The following CHRM3 variants were observed in gnomAD, a reference collection of about 807,000 sequenced individuals.
The protein encoded by CHRM3 is cholinergic receptor muscarinic 3, also known as muscarinic acetylcholine receptor M3.
A neutral mutation model predicts 41.8 loss-of-function variants in CHRM3; 11 were observed. That is an observed-to-expected ratio of 0.26 (90% confidence interval 0.17 to 0.44). The LOEUF (loss-of-function observed/expected upper bound fraction) is 0.44, where lower values mean the gene tolerates loss of function less well. CHRM3 is among the 20% of genes least tolerant of loss of function. The pLI is 1.00. For synonymous variants in CHRM3, 297 were observed against 301.4 expected (o/e 0.99, Z 0.15); for missense variants, 571 against 745.4 (o/e 0.77, Z 2.72).
intron 1 of CHRM3, among the ~76,000 whole-genome samples, chr1:239,419,008 C>A (rs1006673299): frequency 1.3e-5 from 2 of 152,040 alleles, no homozygotes; most frequent in Non-Finnish European, 2.9e-5. Context: ...TTTCAGATAT[C>A]CCTGTTTCTA....
At chr1:239,657,625 A>G (rs911844138) in intron 4 of CHRM3, among the ~76,000 whole-genome samples, 1 of 152,194 alleles carries the variant, frequency 6.6e-6, no homozygotes, top group Non-Finnish European at 1.5e-5. Flanking sequence ...TTGCCTTTTT[A>G]TATTCTGACA....
intron 6 of CHRM3, among the ~76,000 whole-genome samples, chr1:239,894,158 A>G (rs898570718): frequency 3.9e-5 from 6 of 152,246 alleles, no homozygotes; most frequent in Non-Finnish European, 7.3e-5. Context: ...CTTTATTTTC[A>G]TCACAGTTGG....
chr1:239,433,405 G>A (rs56286075), intron 1 of CHRM3, among the ~76,000 whole-genome samples: 7,040 of 152,094 alleles, frequency 0.046, 537 homozygotes, highest in African/African-American at 0.16. Flanking sequence ...TTCTTCTATA[G>A]CATCTCTATT....
chr1:239,387,602 T>C lies in CHRM3; in HGVS notation c.-521+375T>C, dbSNP rs1345481224. 6.6e-6 allele frequency among the ~76,000 whole-genome samples: 1 copy of C among 152,050 alleles called. No homozygotes were observed. Among genetic ancestry groups the C allele is most frequent in the African/African-American group, 2.4e-5 (1 of 41,420 alleles). On this transcript the variant is annotated intron_variant, in intron 1 of 6. Coordinates refer to ENST00000676153, the MANE Select transcript of CHRM3 (RefSeq NM_001375978.1). This position sits in a 1 kb window ranked among gnomAD's most constrained non-coding sequence, Gnocchi z 5.1. The stretch of plus-strand genomic sequence containing the variant: ...CGATTCTCTCTTCGCCACTGCCGGA[T>C]CTGAGGCTCCAAAGTGCCCGAGCAT...
intron 1 of CHRM3, among the ~76,000 whole-genome samples, chr1:239,468,124 A>C (rs1269534058): frequency 6.6e-6 from 1 of 152,208 alleles, no homozygotes; most frequent in East Asian, 1.9e-4. Context: ...CTGCTTCTCC[A>C]TATTCTGACT....
At chr1:239,459,674 A>G (rs1179472499) in intron 1 of CHRM3, among the ~76,000 whole-genome samples, 1 of 152,182 alleles carries the variant, frequency 6.6e-6, no homozygotes, top group East Asian at 1.9e-4. Flanking sequence ...CAGGATGGGT[A>G]GTTCTCTGAG....
intron 1 of CHRM3, among the ~76,000 whole-genome samples, chr1:239,472,606 T>G (rs924193287): frequency 2.6e-4 from 39 of 151,984 alleles, no homozygotes; most frequent in African/African-American, 9.2e-4. Flanking sequence ...GCCATTGTCC[T>G]CAGCAAACTA....
chr1:239,711,181 A>C lies in CHRM3; in HGVS notation c.-147+32893A>C, dbSNP rs546695556. The stretch of plus-strand genomic sequence containing the variant: ...TGTTGTTTGCCCATCTGCTTCTTCC[A>C]CTACACCGTAAGGTTTTGGGGTCAT... On this transcript the variant is annotated intron_variant, in intron 5 of 6. Transcript: ENST00000676153. 2.9e-4 allele frequency among the ~76,000 whole-genome samples: 44 copies of C among 152,134 alleles called. 1 individual carries two copies. Among genetic ancestry groups the C allele is most frequent in the Middle Eastern group, 3.4e-3 (1 of 294 alleles).
At chr1:239,512,880 G>C (rs893459859) in intron 2 of CHRM3, among the ~76,000 whole-genome samples, 1 of 151,972 alleles carries the variant, frequency 6.6e-6, no homozygotes, top group Non-Finnish European at 1.5e-5. Flanking sequence ...CAGGTTATCT[G>C]TGGGTTTTGG....
At chr1:239,437,241 G>A (rs1379412688) in intron 1 of CHRM3, among the ~76,000 whole-genome samples, 1 of 152,154 alleles carries the variant, frequency 6.6e-6, no homozygotes, top group Non-Finnish European at 1.5e-5. Flanking sequence ...AGCCTCCCAA[G>A]TAGCTAGGAT....
intron 1 of CHRM3, among the ~76,000 whole-genome samples, chr1:239,422,333 A>G (rs760963143): frequency 1.3e-5 from 2 of 152,174 alleles, no homozygotes; most frequent in Non-Finnish European, 2.9e-5. Flanking sequence ...CCTAGTTTAT[A>G]TATTTAGGGA....
In CHRM3 at chr1:239,570,019, A is replaced by G. The variant is rs187946784; in HGVS notation, c.-313+24270A>G. ...TATGTTTTTTTAAAAAACAGCAACA[A>G]CAACAACAAAAGAAAGTTCAGGGTG... On this transcript the variant is annotated intron_variant, in intron 3 of 6. Coordinates refer to ENST00000676153, the MANE Select transcript of CHRM3 (RefSeq NM_001375978.1). Among the ~76,000 whole-genome samples the G allele has an allele frequency of 5.2e-4, 79 of 152,280 alleles. 2 individuals carry two copies. Among genetic ancestry groups the G allele is most frequent in the South Asian group, 4.1e-4 (2 of 4,822 alleles).
intron 5 of CHRM3, among the ~76,000 whole-genome samples, chr1:239,696,675 A>G (rs1233492025): frequency 6.6e-6 from 1 of 152,192 alleles, no homozygotes; most frequent in Non-Finnish European, 1.5e-5. Context: ...ATACTGGCAC[A>G]TTTATGTAGC....
intron 6 of CHRM3, among the ~76,000 whole-genome samples, chr1:239,865,765 TC>T (rs1676039436): frequency 6.6e-6 from 1 of 152,178 alleles, no homozygotes; most frequent in Non-Finnish European, 1.5e-5. Flanking sequence ...AGTGACATGA[TC>T]AAAACTGCTC....
intron 5 of CHRM3, among the ~76,000 whole-genome samples, chr1:239,821,481 A>C (rs763421955): frequency 6.6e-6 from 1 of 152,136 alleles, no homozygotes; most frequent in Non-Finnish European, 1.5e-5. Context: ...TCTGATGTAC[A>C]TTCTGATTGC....
rs1429716050 is a variant in CHRM3 at position 239,545,654 on chromosome 1, T to A, written c.-408T>A. On this transcript the variant is annotated 5_prime_UTR_variant, in exon 3 of 7. It removes an upstream start codon present in the reference 5' UTR. Coordinates refer to ENST00000676153, the MANE Select transcript of CHRM3 (RefSeq NM_001375978.1). Reference sequence around the variant, plus strand: ...GTGTCTGTTTAGATATGAACAGTAATGGCACATATTTTGGTTATGAGTCAC... The same window carrying A: ...GTGTCTGTTTAGATATGAACAGTAAAGGCACATATTTTGGTTATGAGTCAC... 6.6e-6 allele frequency: 1 copy of A among 152,172 alleles called. No homozygotes were observed. Among genetic ancestry groups the A allele is most frequent in the Non-Finnish European group, 1.5e-5 (1 of 68,016 alleles). The allele number at this position is 152,172 out of a possible 1,614,324, so 9.4% of individuals were successfully genotyped here. A position where few individuals can be genotyped will look rare whatever the true frequency, so the allele number is the denominator to read the frequency against.
intron 6 of CHRM3, among the ~76,000 whole-genome samples, chr1:239,854,853 G>A (rs1342933862): frequency 6.6e-6 from 1 of 152,084 alleles, no homozygotes; most frequent in African/African-American, 2.4e-5. Context: ...AAATTCAAAA[G>A]AATTCAGATA....
At chr1:239,813,241 G>T (rs1099055) in intron 5 of CHRM3, among the ~76,000 whole-genome samples, 4 of 152,150 alleles carry the variant, frequency 2.6e-5, no homozygotes, top group African/African-American at 9.6e-5. Flanking sequence ...TTGTGCCACC[G>T]CACTCCAGCC....
intron 5 of CHRM3, chr1:239,826,909 T>G (rs1173096983): frequency 6.6e-6 from 1 of 152,184 alleles, no homozygotes; most frequent in Non-Finnish European, 1.5e-5. Context: ...CAAGTCTTAT[T>G]GGCAATATAT....
Sources: gnomAD v4.1 joint callset for allele counts (sites outside exome capture counted in the v4.1 genomes callset) on GRCh38, gnomAD v4.1.1 for gene constraint, Gnocchi (gnomAD v3.1) non-coding constraint, MANE v1.5 for transcripts, NCBI Gene and HGNC (gene_info 2026-07-23, HGNC 2026-07-21) for gene names.